Variants in DAG1 observed in about 807,000 individuals in gnomAD.
DAG1 encodes the protein dystroglycan 1 (dystrophin-associated glycoprotein 1).
Under a neutral mutation model 46.1 loss-of-function variants are expected in DAG1, and 8 were observed. That is an observed-to-expected ratio of 0.17 (90% confidence interval 0.10 to 0.31). DAG1 has a LOEUF of 0.31. Among genes scored for constraint, DAG1 ranks in the 10% least tolerant of loss-of-function variants. The pLI is 1.00. For missense variants in DAG1, 1,003 were observed against 1,189.9 expected (o/e 0.84, Z 2.31); for synonymous variants, 495 against 481.8 (o/e 1.03, Z -0.36).
chr3:49,517,422 T>A (rs2050926838), intron 2 of DAG1, among the ~76,000 whole-genome samples: 1 of 152,170 alleles, frequency 6.6e-6, no homozygotes, highest in Non-Finnish European at 1.5e-5. Context: ...TTAGAAGACT[T>A]CCCTCGTAGT....
At chr3:49,512,011 A>G (rs2050772727) in intron 2 of DAG1, among the ~76,000 whole-genome samples, 1 of 152,062 alleles carries the variant, frequency 6.6e-6, no homozygotes, top group Admixed American at 6.6e-5. Flanking sequence ...TGAATTTCAT[A>G]TGTCAAGAAA....
At chr3:49,497,223 G>A (rs2050337283) in intron 1 of DAG1, among the ~76,000 whole-genome samples, 1 of 151,920 alleles carries the variant, frequency 6.6e-6, no homozygotes, top group African/African-American at 2.4e-5. Flanking sequence ...GATCACCTGA[G>A]ATCAGGAGTT....
At chr3:49,516,311 C>G (rs981241034) in intron 2 of DAG1, among the ~76,000 whole-genome samples, 1 of 152,358 alleles carries the variant, frequency 6.6e-6, no homozygotes, top group African/African-American at 2.4e-5. Context: ...TCATTTAGCA[C>G]CTGCAAACCT....
intron 1 of DAG1, among the ~76,000 whole-genome samples, chr3:49,476,130 T>G (rs1314179797): frequency 6.6e-6 from 1 of 152,212 alleles, no homozygotes; most frequent in Non-Finnish European, 1.5e-5. Context: ...GTCTGTGTTC[T>G]GTGTTGAAGT....
At chr3:49,483,525 A>G (rs1568661) in intron 1 of DAG1, among the ~76,000 whole-genome samples, 68,382 of 151,738 alleles carry the variant, frequency 0.45, 16,606 homozygotes, top group East Asian at 0.93. Context: ...TCTGTGTCCA[A>G]TCTGCCAGAG....
At chr3:49,479,068 A>G (rs959957282) in intron 1 of DAG1, among the ~76,000 whole-genome samples, 3 of 151,786 alleles carry the variant, frequency 2.0e-5, no homozygotes, top group East Asian at 1.9e-4. Context: ...CAGCCTCCCA[A>G]AGTGCTGGGA....
chr3:49,510,406 C>T lies in DAG1; in HGVS notation c.-116-13C>T. ...ATTGCTCAAGTCTAAACCTGCTTTT[C>T]TTTTTTTTTCAGGCTCTGTGTGCTC... On this transcript the variant is annotated splice_polypyrimidine_tract_variant and intron_variant, in intron 1 of 2. Coordinates refer to ENST00000308775, the MANE Select transcript of DAG1 (RefSeq NM_004393.6). 1 of 925,398 alleles carries T rather than the reference C, an allele frequency of 1.1e-6. No individual in the cohort carries two copies. The highest frequency in any genetic ancestry group is 1.7e-6 in the Non-Finnish European group (1 of 575,600). The allele number at this position is 925,398 out of a possible 1,614,324, so 57.3% of individuals were successfully genotyped here.
At chr3:49,505,002 A>G (rs1348658621) in intron 1 of DAG1, among the ~76,000 whole-genome samples, 14 of 130,004 alleles carry the variant, frequency 1.1e-4, no homozygotes, top group African/African-American at 4.0e-4. Context: ...TAAAATTACT[A>G]TTGTTATTTT....
intron 2 of DAG1, among the ~76,000 whole-genome samples, chr3:49,526,852 G>A (rs753428307): frequency 4.6e-5 from 7 of 151,822 alleles, no homozygotes; most frequent in African/African-American, 7.3e-5. Context: ...GAAACCTGAC[G>A]TTTTCTTTAG....
At chr3:49,473,269 GC>G (rs1191458585) in intron 1 of DAG1, among the ~76,000 whole-genome samples, 1 of 151,512 alleles carries the variant, frequency 6.6e-6, no homozygotes, top group Non-Finnish European at 1.5e-5. Context: ...CAAAAAATTA[GC>G]CAGGTGGGGT....
At chr3:49,488,131 A>G (rs955520764) in intron 1 of DAG1, among the ~76,000 whole-genome samples, 2 of 152,122 alleles carry the variant, frequency 1.3e-5, no homozygotes, top group African/African-American at 4.8e-5. Context: ...GCTAACTATT[A>G]AGTACCATTA....
At chr3:49,472,734 G>C (rs992529652) in intron 1 of DAG1, among the ~76,000 whole-genome samples, 1 of 152,136 alleles carries the variant, frequency 6.6e-6, no homozygotes, top group Admixed American at 6.5e-5. Context: ...GTGAACCCGG[G>C]AGGCGGAGCT....
chr3:49,478,080 G>A (rs1252579720), intron 1 of DAG1, among the ~76,000 whole-genome samples: 2 of 150,128 alleles, frequency 1.3e-5, no homozygotes, highest in African/African-American at 2.5e-5. Flanking sequence ...CAGCCTGGTC[G>A]ACATGGTAAA....
intron 2 of DAG1, among the ~76,000 whole-genome samples, chr3:49,530,461 A>G (rs1188514846): frequency 1.3e-5 from 2 of 152,182 alleles, no homozygotes; most frequent in African/African-American, 4.8e-5. Context: ...AGTAGGTGGC[A>G]GGGCGTGTCA....
intron 1 of DAG1, among the ~76,000 whole-genome samples, chr3:49,486,139 G>A (rs919781112): frequency 6.6e-6 from 1 of 151,784 alleles, no homozygotes. Flanking sequence ...GGTGAGGGGA[G>A]GGCTGAATGT....
At chr3:49,522,736 T>C (rs2051066066) in intron 2 of DAG1, among the ~76,000 whole-genome samples, 1 of 152,218 alleles carries the variant, frequency 6.6e-6, no homozygotes, top group African/African-American at 2.4e-5. Context: ...TCCTTAATGC[T>C]AGACTTACTT....
chr3:49,513,178 C>T (rs796860994), intron 2 of DAG1, among the ~76,000 whole-genome samples: 3 of 152,056 alleles, frequency 2.0e-5, no homozygotes, highest in Admixed American at 6.5e-5. Context: ...GAATTCACTT[C>T]TAAGTTGGCT....
chr3:49,493,036 C>CTTTTTTTTT (rs55708660), intron 1 of DAG1: 5 of 86,380 alleles, frequency 5.8e-5, no homozygotes, highest in African/African-American at 9.3e-5. Context: ...TATTTTTATT[C>CTTTTTTTTT]TTTTTTTTTT....
rs2051381262 is a variant in DAG1 at position 49,532,417 on chromosome 3, G to A, written c.1906G>A (p.Ala636Thr). 3 of 1,614,202 alleles carry A rather than the reference G, an allele frequency of 1.9e-6. No homozygotes were observed. Among genetic ancestry groups the A allele is most frequent in the Non-Finnish European group, 8.5e-7 (1 of 1,180,050 alleles). ...KIALVKKLAF[A>T]FGDRNCSTIT... ...TGCCTTGGTAAAGAAACTGGCCTTCGCCTTTGGAGACCGAAACTGTAGCAC... is the reference window on the plus strand; with the variant it reads ...TGCCTTGGTAAAGAAACTGGCCTTCACCTTTGGAGACCGAAACTGTAGCAC... Residue 636 changes from alanine to threonine, a missense_variant, in exon 3 of 3, where the codon GCC becomes ACC. Transcript: ENST00000308775. The surrounding 1 kb of genome is among the most constrained non-coding windows in gnomAD (Gnocchi z 5.4).
Sources: allele counts gnomAD v4.1 joint callset (sites outside exome capture counted in the v4.1 genomes callset), GRCh38; gene constraint gnomAD v4.1.1; non-coding constraint Gnocchi (gnomAD v3.1); transcripts MANE v1.5; gene names NCBI Gene and HGNC (gene_info 2026-07-23, HGNC 2026-07-21).